The following PTPRD variants were observed in gnomAD, a reference collection of about 807,000 sequenced individuals.
PTPRD encodes receptor-type tyrosine-protein phosphatase delta.
A neutral mutation model predicts 214.5 loss-of-function variants in PTPRD; 34 were observed. The observed-to-expected ratio is 0.16, with a 90% CI of 0.12 to 0.21. PTPRD has a LOEUF of 0.21. PTPRD is among the 10% of genes least tolerant of loss of function. The pLI is 1.00. For missense variants in PTPRD, 2,545 were observed against 2,398.7 expected, an observed-to-expected ratio of 1.06 and a Z score of -1.27; for synonymous variants, 1,128 against 845.7, an observed-to-expected ratio of 1.33 and a Z score of -5.79.
rs58828058 is a variant in PTPRD at position 8,764,808 on chromosome 9, G to GATAATAATAATA, written c.-103-30874_-103-30863dup. Reference sequence around the variant, plus strand: ...TTTGTCTCAAAATAATAATAATAATGATAATAATAATAATAATAATAATAA... The same window carrying GATAATAATAATA: ...TTTGTCTCAAAATAATAATAATAATGATAATAATAATAATAATAATAATAATAATAATAATAA... On this transcript the variant is annotated intron_variant, in intron 11 of 45. Coordinates refer to ENST00000381196, the MANE Select transcript of PTPRD (RefSeq NM_002839.4). 2.3e-3 allele frequency among the ~76,000 whole-genome samples: 331 copies of GATAATAATAATA among 146,672 alleles called. 3 individuals carry two copies. Among genetic ancestry groups the GATAATAATAATA allele is most frequent in the Non-Finnish European group, 4.3e-3 (290 of 66,858 alleles).
intron 9 of PTPRD, among the ~76,000 whole-genome samples, chr9:9,220,999 G>A (rs1466922769): frequency 2.0e-5 from 3 of 152,040 alleles, no homozygotes; most frequent in Non-Finnish European, 2.9e-5. Flanking sequence ...AGGTAAAAGA[G>A]CCATGACAAC....
intron 2 of PTPRD, among the ~76,000 whole-genome samples, chr9:10,561,689 T>TG (rs1227247485): frequency 2.6e-4 from 40 of 152,266 alleles, no homozygotes; most frequent in African/African-American, 7.9e-4. Context: ...TGTGACATAA[T>TG]CTTTCTATCC....
chr9:8,346,556 G>A (rs1440962282), intron 39 of PTPRD, among the ~76,000 whole-genome samples: 1 of 152,060 alleles, frequency 6.6e-6, no homozygotes, highest in Non-Finnish European at 1.5e-5. Context: ...CCAGCCCAGG[G>A]TGTGAATCAA....
At chr9:10,325,816 T>C (rs534001416) in intron 3 of PTPRD, among the ~76,000 whole-genome samples, 2 of 151,964 alleles carry the variant, frequency 1.3e-5, no homozygotes, top group East Asian at 3.9e-4. Flanking sequence ...GGGTTAAAAA[T>C]TGATTTTGGA....
intron 9 of PTPRD, among the ~76,000 whole-genome samples, chr9:9,198,809 C>T (rs1289615614): frequency 6.6e-6 from 1 of 152,098 alleles, no homozygotes; most frequent in Non-Finnish European, 1.5e-5. Flanking sequence ...AGATAGATGA[C>T]TGCATATAGT....
intron 2 of PTPRD, among the ~76,000 whole-genome samples, chr9:10,411,858 T>C (rs1424499115): frequency 6.6e-6 from 1 of 151,800 alleles, no homozygotes; most frequent in African/African-American, 2.4e-5. Flanking sequence ...AAATATCCCA[T>C]ATAATCCATA....
rs767319943 is a variant in PTPRD at position 8,492,940 on chromosome 9, A to C, written c.2389T>G (p.Ser797Ala). 1 of 1,613,748 alleles carries C rather than the reference A, an allele frequency of 6.2e-7. No homozygotes were observed. Among genetic ancestry groups the C allele is most frequent in the South Asian group, 1.1e-5 (1 of 91,068 alleles). Residue 797 changes from serine (S) to alanine (A), a missense_variant, in exon 27 of 46, where the codon TCC becomes GCC. By Grantham distance (99) the Ser-to-Ala change is moderately conservative (BLOSUM62 1). Transcript: ENST00000381196. ...GTTGTGTAGGCTGTGACGGTGAGGG[A>C]GTAGGAAGTTTCAGGCTGGAGCCCA... is the stretch of plus-strand genomic sequence containing the variant. ...ISGLQPETSY[S>A]LTVTAYTTKG...
intron 10 of PTPRD, among the ~76,000 whole-genome samples, chr9:9,174,897 C>T (rs1172618114): frequency 6.6e-6 from 1 of 152,012 alleles, no homozygotes; most frequent in African/African-American, 2.4e-5. Flanking sequence ...GAAGCCTGAT[C>T]ACCAGTGTGA....
chr9:10,303,061 C>G (rs1272459534), intron 3 of PTPRD, among the ~76,000 whole-genome samples: 1 of 151,850 alleles, frequency 6.6e-6, no homozygotes. Context: ...AACAAACAGT[C>G]TCTCAGACCA....
intron 9 of PTPRD, among the ~76,000 whole-genome samples, chr9:9,340,617 C>T (rs4742585): frequency 0.2 from 30,216 of 151,946 alleles, 3,382 homozygotes; most frequent in East Asian, 0.34. Context: ...ATACAGAGTA[C>T]GGAATTCAAT....
intron 3 of PTPRD, among the ~76,000 whole-genome samples, chr9:10,223,712 T>C (rs1015590265): frequency 1.9e-4 from 28 of 144,038 alleles, no homozygotes; most frequent in African/African-American, 7.0e-4. Flanking sequence ...ATAATAATAA[T>C]AAAGTAGAGT....
chr9:8,984,851 C>G (rs1001139810), intron 11 of PTPRD, among the ~76,000 whole-genome samples: 1 of 152,048 alleles, frequency 6.6e-6, no homozygotes, highest in African/African-American at 2.4e-5. Flanking sequence ...TACATAAAAT[C>G]TCTTTAATTC....
rs2083127720 is a variant in PTPRD, at chr9:8,375,941, G to A, written c.4656C>T (p.His1552=). The A allele has an allele frequency of 1.2e-6, 2 of 1,612,034 alleles. No individual in the cohort carries two copies. Among genetic ancestry groups the A allele is most frequent in the Non-Finnish European group, 1.7e-6 (2 of 1,178,840 alleles). The change falls in exon 39 of 46, where the codon CAC becomes CAT. Residue 1552 remains histidine (H), a synonymous_variant. Coordinates refer to ENST00000381196, the MANE Select transcript of PTPRD (RefSeq NM_002839.4). Reference sequence around the variant, plus strand: ...AGTGAACAAACGCTTCTTACCTGCAGTGCACAACCATCGGACCAGCATCGG... The same window carrying A: ...AGTGAACAAACGCTTCTTACCTGCAATGCACAACCATCGGACCAGCATCGG... ...NPPDAGPMVV[H]CSAGVGRTGC...
chr9:8,592,921 A>G lies in PTPRD; in HGVS notation c.352+40396T>C, dbSNP rs529145320. The stretch of plus-strand genomic sequence containing the variant: ...GATAGGTAGAGGTTTGACAGAAAGA[A>G]TCAAGAAGGACAATATAAACAAATA... On this transcript the variant is annotated intron_variant, in intron 14 of 45. Transcript: ENST00000381196. Among the ~76,000 whole-genome samples, 18 of 152,360 alleles carry G rather than the reference A, an allele frequency of 1.2e-4. No individual in the cohort carries two copies. In the South Asian group the frequency reaches 2.1e-3, roughly 18 times the overall value.
At chr9:9,264,933 T>A (rs1163799576) in intron 9 of PTPRD, among the ~76,000 whole-genome samples, 1 of 150,616 alleles carries the variant, frequency 6.6e-6, no homozygotes, top group Non-Finnish European at 1.5e-5. Context: ...CAAGAATATT[T>A]TAAAGCTGTC....
chr9:8,801,251 T>C (rs2154518232), intron 11 of PTPRD, among the ~76,000 whole-genome samples: 1 of 152,314 alleles, frequency 6.6e-6, no homozygotes, highest in South Asian at 2.1e-4. Context: ...TTACTGGTTC[T>C]CAAATCTTGC....
intron 39 of PTPRD, among the ~76,000 whole-genome samples, chr9:8,366,019 C>A (rs1032009586): frequency 2.0e-5 from 3 of 152,184 alleles, no homozygotes; most frequent in Non-Finnish European, 4.4e-5. Context: ...GACAGACATA[C>A]CCTCCGTTCT....
chr9:9,828,715 T>G (rs879860372), intron 5 of PTPRD, among the ~76,000 whole-genome samples: 1 of 131,910 alleles, frequency 7.6e-6, no homozygotes, highest in Non-Finnish European at 1.6e-5. Flanking sequence ...CTAAGCAGGA[T>G]TTTTTTTTTT....
chr9:10,511,988 A>G lies in PTPRD; in HGVS notation c.-600+100410T>C, dbSNP rs372207695. On this transcript the variant is annotated intron_variant, in intron 2 of 45. Transcript: ENST00000381196. The stretch of plus-strand genomic sequence containing the variant: ...TATACGTGTGTGTGTATATATATAT[A>G]CGTGTGTGTATATATATATATACGT... Among the ~76,000 whole-genome samples, 43 of 66,446 alleles carry G rather than the reference A, an allele frequency of 6.5e-4. 2 individuals are homozygous for G. Among genetic ancestry groups the G allele is most frequent in the East Asian group, 2.8e-3 (6 of 2,164 alleles). 43.6% of individuals were successfully genotyped at this position (66,446 alleles called of 152,430 possible).
Sources: allele counts gnomAD v4.1 joint callset (sites outside exome capture counted in the v4.1 genomes callset), GRCh38; gene constraint gnomAD v4.1.1; transcripts MANE v1.5; gene names NCBI Gene and HGNC (gene_info 2026-07-23, HGNC 2026-07-21).